Variants in PARP8 observed in about 807,000 individuals in gnomAD.
PARP8 encodes protein mono-ADP-ribosyltransferase PARP8.
PARP8 carries 51 observed loss-of-function variants against 124.1 expected under a neutral mutation model. The ratio of observed to expected loss-of-function variants is 0.41; its 90% CI spans 0.33 to 0.52. The LOEUF (loss-of-function observed/expected upper bound fraction) is 0.52. Among genes scored for constraint, PARP8 ranks in the 20% least tolerant of loss-of-function variants. The pLI, the probability that PARP8 is intolerant of heterozygous loss-of-function variation, is 0.21. For synonymous variants in PARP8, 391 were observed against 361.5 expected, an observed-to-expected ratio of 1.08 and a Z score of -0.93; for missense variants, 860 against 1,018.9, an observed-to-expected ratio of 0.84 and a Z score of 2.12.
At chr5:50,816,225 G>A (rs2149691455) in intron 15 of PARP8, among the ~76,000 whole-genome samples, 1 of 152,220 alleles carries the variant, frequency 6.6e-6, no homozygotes, top group East Asian at 1.9e-4. Flanking sequence ...TAAATTTAAT[G>A]TATGTTAAAG....
intron 7 of PARP8, among the ~76,000 whole-genome samples, chr5:50,771,980 A>G (rs536499890): frequency 1.1e-4 from 17 of 152,284 alleles, no homozygotes; most frequent in African/African-American, 3.9e-4. Context: ...TTTTGTACCC[A>G]TTGACCAGTT....
At chr5:50,734,469 G>C (rs190236590) in intron 2 of PARP8, among the ~76,000 whole-genome samples, 2 of 152,232 alleles carry the variant, frequency 1.3e-5, no homozygotes, top group East Asian at 3.9e-4. Context: ...AGTCCTTCAT[G>C]ATAACAAAGG....
intron 16 of PARP8, 85 bp from the exon 17 acceptor site, chr5:50,822,250 A>G: frequency 1.0e-6 from 1 of 954,704 alleles, no homozygotes. Flanking sequence ...CACATATGGA[A>G]ATAATATATT....
chr5:50,808,628 A>G (rs970206202), intron 14 of PARP8, among the ~76,000 whole-genome samples: 24 of 152,000 alleles, frequency 1.6e-4, no homozygotes, highest in Admixed American at 1.6e-3. Context: ...GGGTGAGGCT[A>G]TGACACGGAG....
intron 2 of PARP8, among the ~76,000 whole-genome samples, chr5:50,700,973 G>T (rs1753535142): frequency 6.6e-6 from 1 of 152,086 alleles, no homozygotes; most frequent in Admixed American, 6.6e-5. Context: ...GATGCTATTG[G>T]AGTTTTCTGA....
At position 50,704,426 on chromosome 5, in the gene PARP8, A is replaced by T. The variant is rs746182935; in HGVS notation, c.146+36301A>T. ...TAATTACCTAAGTGAGCACGTGCTCACTTACCTTATTTGAATCTTCACTCC... is the reference window on the plus strand; with the variant it reads ...TAATTACCTAAGTGAGCACGTGCTCTCTTACCTTATTTGAATCTTCACTCC... On this transcript the variant is annotated intron_variant, in intron 2 of 25. Transcript: ENST00000281631. Among the ~76,000 whole-genome samples the T allele has an allele frequency of 9.9e-5, 15 of 152,160 alleles. 1 individual carries two copies. Among genetic ancestry groups the T allele is most frequent in the Admixed American group, 3.9e-4 (6 of 15,268 alleles).
rs1248415910 is a variant in PARP8, at chr5:50,843,759, C to G, written c.*1691C>G. ...ATTAGTGTGGGACATGAGGACCTTG[C>G]TACTTTTTTGCCAAGATGCTGCAAG... On this transcript the variant is annotated 3_prime_UTR_variant, in exon 26 of 26. Transcript: ENST00000281631. 1 of 151,754 alleles carries G rather than the reference C, an allele frequency of 6.6e-6. No homozygotes were observed. The highest frequency in any genetic ancestry group is 1.5e-5 in the Non-Finnish European group (1 of 67,794). The allele number at this position is 151,754 out of a possible 1,614,324, so 9.4% of individuals were successfully genotyped here.
chr5:50,795,530 T>C lies in PARP8; in HGVS notation c.1428+113T>C, dbSNP rs78615749. On this transcript the variant is annotated intron_variant, in intron 12 of 25. Transcript: ENST00000281631. ...GAAGCAAAACTTTGTTTTAATTTACTGTTTTTTTAAAATCTTTTTGGATAT... is the reference window on the plus strand; with the variant it reads ...GAAGCAAAACTTTGTTTTAATTTACCGTTTTTTTAAAATCTTTTTGGATAT... The C allele has an allele frequency of 2.5e-4, 216 of 865,894 alleles. 1 individual carries two copies. In the East Asian group the frequency reaches 5.5e-3, roughly 22 times the overall value. 53.6% of individuals were successfully genotyped at this position (865,894 alleles called of 1,614,324 possible).
intron 7 of PARP8, among the ~76,000 whole-genome samples, chr5:50,766,841 A>T (rs1396079302): frequency 1.3e-5 from 2 of 152,214 alleles, no homozygotes; most frequent in South Asian, 4.1e-4. Flanking sequence ...CCCACCAAAC[A>T]TGTATCTCCT....
intron 2 of PARP8, among the ~76,000 whole-genome samples, chr5:50,728,237 A>G (rs1443406526): frequency 6.6e-6 from 1 of 152,172 alleles, no homozygotes; most frequent in Non-Finnish European, 1.5e-5. Context: ...ATTAATTGAC[A>G]ACATCCAGTG....
chr5:50,802,085 C>A (rs1312724192), intron 14 of PARP8, among the ~76,000 whole-genome samples: 7 of 152,256 alleles, frequency 4.6e-5, no homozygotes, highest in African/African-American at 1.7e-4. Flanking sequence ...AACATAATTA[C>A]TAATAAGGAA....
At chr5:50,716,891 ATG>A (rs1267743050) in intron 2 of PARP8, among the ~76,000 whole-genome samples, 1 of 152,104 alleles carries the variant, frequency 6.6e-6, no homozygotes, top group Non-Finnish European at 1.5e-5. Context: ...TAAGTTTAGT[ATG>A]TGTTTTATAT....
intron 13 of PARP8, 48 bp downstream of exon 13, chr5:50,797,080 G>A (rs753199895): frequency 6.2e-7 from 1 of 1,609,362 alleles, no homozygotes; most frequent in South Asian, 1.1e-5. Flanking sequence ...AGTTCTTACG[G>A]GGTTTTTAAA....
intron 17 of PARP8, 104 bp from the exon 18 acceptor site, chr5:50,824,804 A>C: frequency 1.2e-6 from 1 of 809,012 alleles, no homozygotes; most frequent in Non-Finnish European, 2.1e-6. Context: ...ATAAATTTTT[A>C]AGTCTTACTA....
At chr5:50,824,437 A>T (rs1489272342) in intron 17 of PARP8, among the ~76,000 whole-genome samples, 1 of 152,200 alleles carries the variant, frequency 6.6e-6, no homozygotes, top group South Asian at 2.1e-4. Context: ...AAAAGGCGCT[A>T]CAAGTAAGTG....
At chr5:50,840,223 C>G (rs1362970972) in intron 25 of PARP8, among the ~76,000 whole-genome samples, 1 of 151,878 alleles carries the variant, frequency 6.6e-6, no homozygotes, top group Non-Finnish European at 1.5e-5. Flanking sequence ...CGATTCGATT[C>G]AATTCTATCT....
chr5:50,707,664 A>AG (rs1754301101), intron 2 of PARP8, among the ~76,000 whole-genome samples: 5 of 144,980 alleles, frequency 3.4e-5, no homozygotes, highest in East Asian at 2.1e-4. Flanking sequence ...AGAGAGAGAG[A>AG]AAATGCCAGT....
chr5:50,739,666 T>G (rs1473750562), intron 2 of PARP8, among the ~76,000 whole-genome samples: 1 of 149,626 alleles, frequency 6.7e-6, no homozygotes, highest in Non-Finnish European at 1.5e-5. Context: ...ACAATAATTT[T>G]GTAAGGAAGG....
chr5:50,725,847 C>G (rs1375363922), intron 2 of PARP8, among the ~76,000 whole-genome samples: 1 of 152,146 alleles, frequency 6.6e-6, no homozygotes, highest in Non-Finnish European at 1.5e-5. Flanking sequence ...TGAAATGACA[C>G]TGCTAATGTT....
Sources: allele counts gnomAD v4.1 joint callset (sites outside exome capture counted in the v4.1 genomes callset), GRCh38; gene constraint gnomAD v4.1.1; transcripts MANE v1.5; gene names NCBI Gene and HGNC (gene_info 2026-07-23, HGNC 2026-07-21).